Variants in MTCL1 observed in about 807,000 individuals in gnomAD.
The protein encoded by MTCL1 is microtubule cross-linking factor 1.
MTCL1 carries 79 observed loss-of-function variants against 141.4 expected under a neutral mutation model. That is an observed-to-expected ratio of 0.56 (90% CI 0.47 to 0.67). The LOEUF is 0.67. Among genes scored for constraint, MTCL1 ranks in the 30% least tolerant of loss-of-function variants. MTCL1 has a pLI of 0.00. For missense variants in MTCL1, 2,177 were observed against 2,113.9 expected (o/e 1.03, Z -0.59); for synonymous variants, 914 against 875.8 (o/e 1.04, Z -0.77).
rs182523403 is a variant in MTCL1, at chr18:8,804,921, G to A, written c.2437-1972G>A. Among the ~76,000 whole-genome samples the A allele has an allele frequency of 1.5e-3, 228 of 151,214 alleles. 2 individuals are homozygous for A. The highest frequency in any genetic ancestry group is 0.01 in the Middle Eastern group (3 of 294). ...TGGGAGGACTGCTTGAGCCCAGGAG[G>A]TTGAGGCTGCAGTGAGCCGTGATCC... On this transcript the variant is annotated intron_variant, in intron 10 of 16. Coordinates refer to ENST00000359865, the Ensembl canonical transcript of MTCL1.
rs564033020 is a variant in MTCL1 at position 8,810,860 on chromosome 18, A to G, written c.2605-2119A>G. Among the ~76,000 whole-genome samples, 2 of 152,280 alleles carry G rather than the reference A, an allele frequency of 1.3e-5. No homozygotes were observed. The highest frequency in any genetic ancestry group is 2.4e-5 in the African/African-American group (1 of 41,560). On this transcript the variant is annotated intron_variant, in intron 11 of 16. Transcript: ENST00000359865. The surrounding 1 kb of genome is among the most constrained non-coding windows in gnomAD (Gnocchi z 5.0). ...CCCGTGGCTGTCATCTGCTTCCTCA[A>G]GCCTTTCCCTGCTTTCTCTCCAAGC...
chr18:8,749,534 A>G (rs2096359467), intron 4 of MTCL1, among the ~76,000 whole-genome samples: 1 of 152,178 alleles, frequency 6.6e-6, no homozygotes, highest in Non-Finnish European at 1.5e-5. Context: ...AGGTAAGTGG[A>G]GGAAGAGTGA....
intron 13 of MTCL1, among the ~76,000 whole-genome samples, chr18:8,819,546 A>G (rs983578239): frequency 6.6e-5 from 10 of 152,208 alleles, no homozygotes; most frequent in Non-Finnish European, 1.2e-4. Flanking sequence ...GTGTCCCATA[A>G]AACACACAAG....
intron 4 of MTCL1, among the ~76,000 whole-genome samples, chr18:8,776,328 C>A (rs1471269331): frequency 6.6e-6 from 1 of 152,106 alleles, no homozygotes; most frequent in Non-Finnish European, 1.5e-5. Flanking sequence ...GCTACAAATC[C>A]CTTCATATTC....
intron 4 of MTCL1, among the ~76,000 whole-genome samples, chr18:8,768,941 A>G (rs1217942475): frequency 2.0e-5 from 3 of 151,970 alleles, no homozygotes; most frequent in Non-Finnish European, 2.9e-5. Flanking sequence ...ACAGGTGTGC[A>G]TCAGCACGTG....
chr18:8,804,482 A>G (rs1356304865), intron 10 of MTCL1, among the ~76,000 whole-genome samples: 1 of 152,124 alleles, frequency 6.6e-6, no homozygotes, highest in East Asian at 1.9e-4. Flanking sequence ...CTTCACATAT[A>G]TGGTGAGCAT....
chr18:8,705,606 C>T (rs1332245604), upstream of MTCL1: 2 of 1,198,706 alleles, frequency 1.7e-6, no homozygotes, highest in African/African-American at 1.7e-5. The surrounding 1 kb of genome is among the most constrained non-coding windows in gnomAD (Gnocchi z 5.2). Flanking sequence ...GCCGCCGCCG[C>T]CGCCGTCGTC....
intron 7 of MTCL1, chr18:8,786,483 T>A: frequency 2.5e-6 from 1 of 394,840 alleles, no homozygotes; most frequent in Non-Finnish European, 5.0e-6. Context: ...GAGTTCCCCT[T>A]TTCAGCTCTT....
chr18:8,831,950 A>C (rs536856615), exon 17 of MTCL1: 30 of 905,730 alleles, frequency 3.3e-5, no homozygotes, highest in Non-Finnish European at 4.3e-5. Flanking sequence ...TGAATGTTCA[A>C]CCTGTGAAAC....
intron 11 of MTCL1, among the ~76,000 whole-genome samples, chr18:8,808,475 A>G (rs1271418849): frequency 2.6e-5 from 4 of 152,194 alleles, no homozygotes; most frequent in African/African-American, 4.8e-5. Flanking sequence ...GTGTCCCTAA[A>G]TACCAAAAAA....
intron 10 of MTCL1, among the ~76,000 whole-genome samples, chr18:8,801,358 A>G (rs980709169): frequency 6.8e-6 from 1 of 148,122 alleles, no homozygotes; most frequent in Non-Finnish European, 1.5e-5. Flanking sequence ...CCTAGATGGT[A>G]TTTACATTTC....
chr18:8,796,203 G>T (rs769265665), intron 8 of MTCL1, 29 bp from the exon 8 acceptor site: 2 of 1,610,594 alleles, frequency 1.2e-6, no homozygotes, highest in Non-Finnish European at 8.5e-7. Flanking sequence ...TTAGCTGCTT[G>T]TCACACTGTC....
chr18:8,829,024 G>C, intron 16 of MTCL1: 4 of 1,613,188 alleles, frequency 2.5e-6, no homozygotes, highest in South Asian at 1.1e-5. Context: ...GTAACTCGCA[G>C]TTGGCACCTG....
chr18:8,808,619 T>G (rs2076380556), intron 11 of MTCL1, among the ~76,000 whole-genome samples: 1 of 152,256 alleles, frequency 6.6e-6, no homozygotes, highest in African/African-American at 2.4e-5. Flanking sequence ...CTAGCTCATT[T>G]GTAATAATCC....
intron 7 of MTCL1, among the ~76,000 whole-genome samples, chr18:8,790,870 C>G (rs1002315116): frequency 2.6e-5 from 4 of 152,144 alleles, no homozygotes; most frequent in Non-Finnish European, 4.4e-5. Flanking sequence ...CAAAAATTAG[C>G]TGGGTGTCAT....
intron 10 of MTCL1, among the ~76,000 whole-genome samples, chr18:8,803,839 T>G (rs1265424494): frequency 6.6e-6 from 1 of 152,226 alleles, no homozygotes. Flanking sequence ...AAAAAGTACT[T>G]GCTTCCAGAG....
At chr18:8,755,185 A>G (rs997821013) in intron 4 of MTCL1, among the ~76,000 whole-genome samples, 1 of 152,232 alleles carries the variant, frequency 6.6e-6, no homozygotes, top group African/African-American at 2.4e-5. Flanking sequence ...CAGCGCCACC[A>G]AAGGACTTGC....
intron 4 of MTCL1, among the ~76,000 whole-genome samples, chr18:8,735,446 G>T: frequency 6.6e-6 from 1 of 152,146 alleles, no homozygotes; most frequent in East Asian, 1.9e-4. Flanking sequence ...AACCCTTGCC[G>T]GAATGTGGGT....
intron 8 of MTCL1, among the ~76,000 whole-genome samples, chr18:8,794,370 A>AG (rs2075841353): frequency 6.6e-6 from 1 of 152,176 alleles, no homozygotes; most frequent in Non-Finnish European, 1.5e-5. Flanking sequence ...CAAGGTACCC[A>AG]GGGGGCAGAA....
Sources: allele counts gnomAD v4.1 joint callset (sites outside exome capture counted in the v4.1 genomes callset), GRCh38; gene constraint gnomAD v4.1.1; non-coding constraint Gnocchi (gnomAD v3.1); transcripts MANE v1.5; gene names NCBI Gene and HGNC (gene_info 2026-07-23, HGNC 2026-07-21).